The following NCEH1 variants were observed in gnomAD, a reference collection of about 807,000 sequenced individuals.
NCEH1 encodes the protein 2-acetyl MAGE hydrolase.
NCEH1 carries 9 observed loss-of-function variants against 25.4 expected under a neutral mutation model. That is an observed-to-expected ratio of 0.35 (90% CI 0.21 to 0.62). The LOEUF (loss-of-function observed/expected upper bound fraction) is 0.62. Ranked by LOEUF, NCEH1 falls within the 20% of genes least tolerant of loss-of-function variation. The probability of loss-of-function intolerance (pLI) is 0.72; values close to 1 mark genes in which losing one functional copy is unlikely to be tolerated. For missense variants in NCEH1, 412 were observed against 501.1 expected, an observed-to-expected ratio of 0.82 and a Z score of 1.70; for synonymous variants, 200 against 199.8, an observed-to-expected ratio of 1.00 and a Z score of -0.01.
intron 1 of NCEH1, among the ~76,000 whole-genome samples, chr3:172,672,373 C>G (rs1450744858): frequency 6.6e-6 from 1 of 152,160 alleles, no homozygotes; most frequent in Middle Eastern, 3.2e-3. Flanking sequence ...CCAGGAAGCC[C>G]TTTTTAATAC....
At chr3:172,706,010 CAAAAAA>C (rs35383888) in intron 1 of NCEH1, among the ~76,000 whole-genome samples, 2 of 103,970 alleles carry the variant, frequency 1.9e-5, no homozygotes, top group African/African-American at 3.8e-5. Flanking sequence ...CAACAACAAC[CAAAAAA>C]AAAAAAAAAA....
intron 3 of NCEH1, among the ~76,000 whole-genome samples, chr3:172,644,274 T>TTGGGGTGA: frequency 6.6e-6 from 1 of 151,956 alleles, no homozygotes; most frequent in Non-Finnish European, 1.5e-5. Flanking sequence ...CTCTAGGGCT[T>TTGGGGTGA]CTGTCAACAG....
At chr3:172,674,082 A>G (rs1364758151) in intron 1 of NCEH1, among the ~76,000 whole-genome samples, 3 of 152,238 alleles carry the variant, frequency 2.0e-5, no homozygotes, top group African/African-American at 7.2e-5. Flanking sequence ...ACCCCAGGAA[A>G]TAAAACCTTT....
chr3:172,677,349 T>C (rs113024454), intron 1 of NCEH1, among the ~76,000 whole-genome samples: 8 of 152,246 alleles, frequency 5.3e-5, no homozygotes, highest in African/African-American at 1.7e-4. Context: ...CATCTACTGA[T>C]ATCTGAAGAG....
At chr3:172,687,461 C>T (rs1216006131) in intron 1 of NCEH1, among the ~76,000 whole-genome samples, 1 of 152,158 alleles carries the variant, frequency 6.6e-6, no homozygotes, top group Non-Finnish European at 1.5e-5. Context: ...GAACCATTTG[C>T]AACACTTGTA....
chr3:172,635,362 C>CAAAAA (rs1235424525), intron 4 of NCEH1, among the ~76,000 whole-genome samples: 1 of 152,058 alleles, frequency 6.6e-6, no homozygotes, highest in African/African-American at 2.4e-5. Flanking sequence ...TGCTTTTTCC[C>CAAAAA]ACTTGCCAAA....
chr3:172,661,823 G>A (rs891126802), intron 1 of NCEH1, among the ~76,000 whole-genome samples: 30 of 152,034 alleles, frequency 2.0e-4, no homozygotes, highest in African/African-American at 7.0e-4. Flanking sequence ...CATTGATTTT[G>A]TATCCTGAGA....
chr3:172,666,704 A>G (rs1718224194), intron 1 of NCEH1, among the ~76,000 whole-genome samples: 1 of 152,090 alleles, frequency 6.6e-6, no homozygotes, highest in South Asian at 2.1e-4. Flanking sequence ...GCAAATCTCA[A>G]TCTCAGATCT....
rs1200625132 is a variant in NCEH1, at chr3:172,668,348, ATTTTT to A, written c.139-20239_139-20235del. 1.5e-3 allele frequency among the ~76,000 whole-genome samples: 118 copies of A among 78,972 alleles called. 1 individual carries two copies. Among genetic ancestry groups the A allele is most frequent in the African/African-American group, 5.3e-3 (103 of 19,374 alleles). The allele number at this position is 78,972 out of a possible 152,430, so 51.8% of individuals were successfully genotyped here. ...TCAGGAAACAAATGGAAAAGGAAGC[ATTTTT>A]TTTTTTTTTTTTTTTTTTTTTGAGA... On this transcript the variant is annotated intron_variant, in intron 1 of 4. Coordinates refer to ENST00000475381, the MANE Select transcript of NCEH1 (RefSeq NM_020792.6).
chr3:172,687,689 G>A (rs1712775861), intron 1 of NCEH1, among the ~76,000 whole-genome samples: 1 of 152,214 alleles, frequency 6.6e-6, no homozygotes, highest in Admixed American at 6.5e-5. Flanking sequence ...ACATGACACA[G>A]AGATGCTGGC....
At chr3:172,703,527 C>CAAAA (rs11462899) in intron 1 of NCEH1, among the ~76,000 whole-genome samples, 20,264 of 79,930 alleles carry the variant, frequency 0.25, 2,660 homozygotes, top group African/African-American at 0.3. Flanking sequence ...GACTCTGTCT[C>CAAAA]AAAAAAAAAA....
At chr3:172,668,743 G>A (rs1189609121) in intron 1 of NCEH1, among the ~76,000 whole-genome samples, 6 of 152,016 alleles carry the variant, frequency 3.9e-5, no homozygotes, top group East Asian at 3.9e-4. Flanking sequence ...CACTGTTAAC[G>A]TGTTTTCTGT....
At chr3:172,691,969 GAAAGAAA>G (rs1560205885) in intron 1 of NCEH1, among the ~76,000 whole-genome samples, 1 of 22,914 alleles carries the variant, frequency 4.4e-5, no homozygotes, top group East Asian at 1.1e-3. Flanking sequence ...AAAAAAAAAA[GAAAGAAA>G]GAAAGAAAGA....
rs369728024 is a variant in NCEH1, at chr3:172,700,643, T to TG, written c.138+10203dup. ...AGTCTCCCCAGTAGCTGAGATCATG[T>TG]GCCACCACATCTGGCTAACTATGTT... On this transcript the variant is annotated intron_variant, in intron 1 of 4. Transcript: ENST00000475381. Among the ~76,000 whole-genome samples the TG allele has an allele frequency of 4.1e-3, 625 of 152,310 alleles. 6 individuals are homozygous for TG. Among genetic ancestry groups the TG allele is most frequent in the Non-Finnish European group, 6.0e-3 (407 of 68,020 alleles).
intron 1 of NCEH1, among the ~76,000 whole-genome samples, chr3:172,675,331 A>AAATTAATTAATTAATTAATT (rs1553835615): frequency 5.3e-5 from 8 of 150,476 alleles, no homozygotes; most frequent in African/African-American, 9.9e-5. Flanking sequence ...ATAAATAAAT[A>AAATTAATTAATTAATTAATT]AATAAATAAA....
rs572366673 is a variant in NCEH1, at chr3:172,699,071, C to T, written c.138+11776G>A. On this transcript the variant is annotated intron_variant, in intron 1 of 4. Transcript: ENST00000475381. ...AGCAACATAAGCAACATCTAAGGGC[C>T]ATAAAAGAAAACCAAAACGCTAGCA... is the stretch of plus-strand genomic sequence containing the variant. Among the ~76,000 whole-genome samples the T allele has an allele frequency of 9.2e-5, 14 of 152,152 alleles. No individual in the cohort carries two copies. The South Asian group carries it at 2.5e-3, about 27-fold the overall frequency.
At chr3:172,669,358 T>C (rs1481386731) in intron 1 of NCEH1, among the ~76,000 whole-genome samples, 1 of 152,194 alleles carries the variant, frequency 6.6e-6, no homozygotes, top group East Asian at 1.9e-4. Context: ...AGTAATTGTA[T>C]TTGCCTATTT....
rs753599726 is a variant in NCEH1 at position 172,683,316 on chromosome 3, T to C, written c.138+27531A>G. 3.0e-4 allele frequency among the ~76,000 whole-genome samples: 28 copies of C among 94,144 alleles called. 6 individuals carry two copies. Among genetic ancestry groups the C allele is most frequent in the Non-Finnish European group, 4.7e-4 (22 of 47,174 alleles). The allele number at this position is 94,144 out of a possible 152,430, so 61.8% of individuals were successfully genotyped here. On this transcript the variant is annotated intron_variant, in intron 1 of 4. Transcript: ENST00000475381. Reference sequence around the variant, plus strand: ...TACTTGGGAGGCTGAGGCAGGAGAATGGCGTGAACCCGGGAGGCGGAGCTT... The same window carrying C: ...TACTTGGGAGGCTGAGGCAGGAGAACGGCGTGAACCCGGGAGGCGGAGCTT...
intron 4 of NCEH1, 111 bp downstream of exon 4, chr3:172,635,805 T>C (rs1358372349): frequency 3.1e-6 from 3 of 968,318 alleles, no homozygotes; most frequent in Non-Finnish European, 4.7e-6. Flanking sequence ...GGCCATCTAG[T>C]GACCGGCCCA....
Sources: gnomAD v4.1 joint callset for allele counts (sites outside exome capture counted in the v4.1 genomes callset) on GRCh38, gnomAD v4.1.1 for gene constraint, MANE v1.5 for transcripts, NCBI Gene and HGNC (gene_info 2026-07-23, HGNC 2026-07-21) for gene names.